The following ZC3H13 variants were observed in gnomAD, a reference collection of about 807,000 sequenced individuals.
ZC3H13 encodes zinc finger CCCH domain-containing protein 13.
ZC3H13 carries 64 observed loss-of-function variants against 204.1 expected under a neutral mutation model. The observed-to-expected ratio is 0.31, with a 90% CI of 0.26 to 0.39. ZC3H13 has a LOEUF of 0.39. Ranked by LOEUF, ZC3H13 falls within the 10% of genes least tolerant of loss-of-function variation. The probability of loss-of-function intolerance (pLI) is 1.00; values close to 1 mark genes in which losing one functional copy is unlikely to be tolerated. For synonymous variants in ZC3H13, 667 were observed against 693.7 expected, an observed-to-expected ratio of 0.96 and a Z score of 0.60; for missense variants, 1,833 against 2,082.7, an observed-to-expected ratio of 0.88 and a Z score of 2.33.
chr13:46,012,860 G>A (rs1013685896), intron 5 of ZC3H13, among the ~76,000 whole-genome samples: 1 of 152,138 alleles, frequency 6.6e-6, no homozygotes, highest in Admixed American at 6.5e-5. Flanking sequence ...AGGAGTCAAT[G>A]TTCTGGTTTG....
intron 8 of ZC3H13, among the ~76,000 whole-genome samples, chr13:46,000,865 T>TA (rs2040694184): frequency 1.3e-5 from 2 of 152,194 alleles, no homozygotes; most frequent in South Asian, 2.1e-4. Context: ...CTTGAACACT[T>TA]AGAGGCCACT....
intron 12 of ZC3H13, 98 bp from the exon 13 acceptor site, chr13:45,970,563 A>G (rs1952502728): frequency 3.2e-6 from 3 of 936,434 alleles, no homozygotes; most frequent in African/African-American, 3.3e-5. Flanking sequence ...ACTGGAACAT[A>G]TAATTGTAGG....
Position 45,989,098 on chromosome 13 carries a change from C to A in ZC3H13, c.945-1G>T, listed in dbSNP as rs1300784475. On this transcript the variant is annotated splice_acceptor_variant, in intron 8 of 18. Transcript: ENST00000679008. LOFTEE classifies it high-confidence loss of function. ...ATGCTGTCCTGCTGGGGAAGTAGAC[C>A]TACAAGGGAAAACAATAACAATAAA... 1 of 1,610,752 alleles carries A rather than the reference C, an allele frequency of 6.2e-7. No homozygotes were observed. The highest frequency in any genetic ancestry group is 8.5e-7 in the Non-Finnish European group (1 of 1,177,492).
At chr13:46,013,322 G>A (rs572576691) in intron 5 of ZC3H13, among the ~76,000 whole-genome samples, 88 of 151,960 alleles carry the variant, frequency 5.8e-4, no homozygotes, top group Non-Finnish European at 1.1e-3. Context: ...TCAGAGGCAG[G>A]AGAATTGCTT....
At chr13:45,963,622 G>A (rs17350833) in intron 17 of ZC3H13, 384,920 of 1,349,450 alleles carry the variant, frequency 0.29, 56,226 homozygotes, top group South Asian at 0.32. Flanking sequence ...AAAGGTCATT[G>A]TACTCTTTTC....
intron 8 of ZC3H13, 59 bp from the exon 9 acceptor site, chr13:45,989,156 G>C: frequency 6.7e-7 from 1 of 1,495,532 alleles, no homozygotes; most frequent in Non-Finnish European, 9.0e-7. Flanking sequence ...TCTAGCCAAA[G>C]GAAAATCTTT....
At chr13:46,043,022 T>C (rs908263135) in intron 3 of ZC3H13, among the ~76,000 whole-genome samples, 2 of 152,084 alleles carry the variant, frequency 1.3e-5, no homozygotes, top group East Asian at 3.9e-4. Context: ...TGACAGTATA[T>C]GGCTATGCAA....
intron 7 of ZC3H13, among the ~76,000 whole-genome samples, chr13:46,005,573 T>TC (rs1476920497): frequency 6.6e-6 from 1 of 152,144 alleles, no homozygotes; most frequent in Non-Finnish European, 1.5e-5. Flanking sequence ...CACTGCAGCC[T>TC]CGACCCCCAG....
intron 5 of ZC3H13, among the ~76,000 whole-genome samples, chr13:46,015,462 G>C (rs1278111424): frequency 6.6e-6 from 1 of 152,014 alleles, no homozygotes; most frequent in African/African-American, 2.4e-5. Flanking sequence ...TCTGCATTTA[G>C]TTACACAGAA....
chr13:46,034,493 A>G (rs1038171415), intron 4 of ZC3H13, among the ~76,000 whole-genome samples: 2 of 152,330 alleles, frequency 1.3e-5, no homozygotes, highest in East Asian at 3.9e-4. Context: ...ATGTGGTTGA[A>G]TCTGGTAAGT....
At chr13:46,011,915 C>T (rs184689294) in intron 5 of ZC3H13, among the ~76,000 whole-genome samples, 53 of 152,222 alleles carry the variant, frequency 3.5e-4, no homozygotes, top group Non-Finnish European at 6.5e-4. Context: ...ATGCTGTATA[C>T]GATGCGACTC....
At chr13:46,050,969 TG>T (rs1156701095) in intron 1 of ZC3H13, among the ~76,000 whole-genome samples, 9 of 151,980 alleles carry the variant, frequency 5.9e-5, no homozygotes, top group Non-Finnish European at 1.2e-4. Context: ...TACTAACAGC[TG>T]GAGAAATAGC....
intron 9 of ZC3H13, among the ~76,000 whole-genome samples, chr13:45,988,160 TTAACTCAGTGATTGAA>T (rs2039687615): frequency 1.3e-5 from 2 of 152,286 alleles, no homozygotes; most frequent in African/African-American, 4.8e-5. Context: ...TCAAAAGACA[TTAACTCAGTGATTGAA>T]AAGGATGCTC....
At chr13:46,018,337 T>C (rs1233732487) in intron 5 of ZC3H13, among the ~76,000 whole-genome samples, 1 of 151,972 alleles carries the variant, frequency 6.6e-6, no homozygotes, top group African/African-American at 2.4e-5. Context: ...GTAGAAACAG[T>C]AAGGCACAGA....
intron 4 of ZC3H13, among the ~76,000 whole-genome samples, chr13:46,033,699 G>A (rs2043037494): frequency 6.6e-6 from 1 of 152,084 alleles, no homozygotes; most frequent in Non-Finnish European, 1.5e-5. Context: ...CAAGTTTTTT[G>A]AGGAAAATGG....
At chr13:46,046,754 A>G (rs1191860146) in intron 1 of ZC3H13, among the ~76,000 whole-genome samples, 1 of 152,130 alleles carries the variant, frequency 6.6e-6, no homozygotes, top group East Asian at 1.9e-4. Flanking sequence ...AATCTAATCC[A>G]ATGACATAAT....
chr13:45,972,938 C>G (rs536973776), intron 12 of ZC3H13, among the ~76,000 whole-genome samples: 1 of 152,184 alleles, frequency 6.6e-6, no homozygotes. Flanking sequence ...ACAAGATGCC[C>G]TAATTGCCAG....
chr13:45,986,609 T>C (rs1222920675), intron 9 of ZC3H13, among the ~76,000 whole-genome samples: 1 of 152,130 alleles, frequency 6.6e-6, no homozygotes, highest in Non-Finnish European at 1.5e-5. Context: ...AAACCACTCT[T>C]TACATATATT....
chr13:45,983,413 ATTTTTTTTTTTTTT>A (rs1555277661), intron 10 of ZC3H13, among the ~76,000 whole-genome samples: 3 of 31,132 alleles, frequency 9.6e-5, no homozygotes, highest in South Asian at 1.0e-3. Flanking sequence ...ATATATATAT[ATTTTTTTTTTTTTT>A]TTTTTTTTTT....
Sources: gnomAD v4.1 joint callset for allele counts (sites outside exome capture counted in the v4.1 genomes callset) on GRCh38, gnomAD v4.1.1 for gene constraint, MANE v1.5 for transcripts, NCBI Gene and HGNC (gene_info 2026-07-23, HGNC 2026-07-21) for gene names.